CCDC7: variants seen among roughly 807,000 people sequenced by gnomAD.
The protein encoded by CCDC7 is coiled-coil domain containing 7, also known as coiled-coil domain-containing protein 7.
In CCDC7, 183 loss-of-function variants were observed where a neutral mutation model predicts 196.9. That is an observed-to-expected ratio of 0.93 (90% CI 0.82 to 1.05). The LOEUF (loss-of-function observed/expected upper bound fraction) is 1.05, where lower values mean the gene tolerates loss of function less well. CCDC7 is among the 50% of genes least tolerant of loss of function. CCDC7 has a pLI of 0.00. For missense variants in CCDC7, 1,540 were observed against 1,482.2 expected, an observed-to-expected ratio of 1.04 and a Z score of -0.64; for synonymous variants, 525 against 484.6, an observed-to-expected ratio of 1.08 and a Z score of -1.10.
chr10:32,872,924 G>A (rs939692853), intron 41 of CCDC7, among the ~76,000 whole-genome samples: 7 of 152,116 alleles, frequency 4.6e-5, no homozygotes, highest in African/African-American at 9.7e-5. Flanking sequence ...AGTCTGATGG[G>A]CTTCCCTTTG....
chr10:32,594,890 G>A (rs921827715), intron 18 of CCDC7, among the ~76,000 whole-genome samples: 2 of 152,196 alleles, frequency 1.3e-5, no homozygotes, highest in Non-Finnish European at 2.9e-5. Flanking sequence ...TTGCATCCCA[G>A]GGATGAAGCC....
At chr10:32,700,861 G>T (rs929026047) in intron 24 of CCDC7, among the ~76,000 whole-genome samples, 3 of 152,144 alleles carry the variant, frequency 2.0e-5, no homozygotes, top group Non-Finnish European at 4.4e-5. Context: ...CTGTTTGTCT[G>T]TTATTGGTAT....
At chr10:32,795,385 T>C (rs1342910536) in intron 29 of CCDC7, among the ~76,000 whole-genome samples, 2 of 152,166 alleles carry the variant, frequency 1.3e-5, no homozygotes, top group Non-Finnish European at 2.9e-5. Context: ...GTTAAGCAAA[T>C]GTATTTCTCA....
At chr10:32,523,830 A>T (rs770027854) in intron 11 of CCDC7, among the ~76,000 whole-genome samples, 11 of 151,340 alleles carry the variant, frequency 7.3e-5, no homozygotes, top group Non-Finnish European at 1.0e-4. Context: ...GGCATGGAAT[A>T]TCTTTTTCCA....
intron 25 of CCDC7, among the ~76,000 whole-genome samples, chr10:32,714,781 A>G (rs969545757): frequency 1.3e-5 from 2 of 152,074 alleles, no homozygotes; most frequent in African/African-American, 4.8e-5. Context: ...AGCTGCTGGG[A>G]AGTTCGAATT....
intron 26 of CCDC7, 133 bp downstream of exon 27, chr10:32,726,965 A>C (rs1301219383): frequency 1.7e-6 from 1 of 576,076 alleles, no homozygotes; most frequent in Non-Finnish European, 2.9e-6. Flanking sequence ...CTGAAGTCTT[A>C]AGATAAGTAG....
chr10:32,733,619 A>G (rs2084353164), intron 28 of CCDC7, among the ~76,000 whole-genome samples: 1 of 150,712 alleles, frequency 6.6e-6, no homozygotes, highest in African/African-American at 2.5e-5. Context: ...ATTAGATCAA[A>G]TATGTTTATT....
intron 20 of CCDC7, among the ~76,000 whole-genome samples, chr10:32,641,398 C>G (rs1590988561): frequency 1.3e-5 from 2 of 152,122 alleles, no homozygotes; most frequent in African/African-American, 4.8e-5. Flanking sequence ...TCATTTCATT[C>G]ATTTGATATT....
intron 11 of CCDC7, among the ~76,000 whole-genome samples, chr10:32,524,829 G>T (rs2048407488): frequency 6.6e-6 from 1 of 152,004 alleles, no homozygotes; most frequent in Admixed American, 6.6e-5. Flanking sequence ...TTATCTTTGG[G>T]AGTCTGATTG....
intron 29 of CCDC7, among the ~76,000 whole-genome samples, chr10:32,799,776 G>C (rs189716932): frequency 9.3e-4 from 142 of 152,302 alleles, no homozygotes; most frequent in African/African-American, 3.2e-3. Flanking sequence ...TCACTCTCTG[G>C]ATCCAATCAG....
At chr10:32,625,537 C>T (rs2063928741) in intron 18 of CCDC7, among the ~76,000 whole-genome samples, 2 of 151,924 alleles carry the variant, frequency 1.3e-5, no homozygotes, top group South Asian at 2.1e-4. Context: ...ATGTGGAGTA[C>T]TTAAAGCTAA....
At chr10:32,444,541 G>A (rs556733948), upstream of CCDC7, among the ~76,000 whole-genome samples, 1 of 152,262 alleles carries the variant, frequency 6.6e-6, no homozygotes, top group Admixed American at 6.5e-5. Flanking sequence ...GAAATGACTA[G>A]ATGTAATCTA....
chr10:32,502,512 T>C (rs982775064), intron 9 of CCDC7, among the ~76,000 whole-genome samples: 2 of 152,058 alleles, frequency 1.3e-5, no homozygotes, highest in African/African-American at 2.4e-5. Flanking sequence ...TTGGCCATCT[T>C]TTTGGCTGTA....
chr10:32,700,898 T>G (rs558285194), intron 24 of CCDC7, among the ~76,000 whole-genome samples: 12 of 152,338 alleles, frequency 7.9e-5, no homozygotes, highest in Admixed American at 7.2e-4. Context: ...GTTTTGCACA[T>G]TGATTTTGTG....
chr10:32,846,435 A>G (rs753067149), exon 37 of CCDC7: 2 of 1,599,616 alleles, frequency 1.3e-6, no homozygotes, highest in South Asian at 1.1e-5. Context: ...GGGACCAATC[A>G]GTGCACAATT....
At chr10:32,770,951 C>T (rs2079072605) in intron 28 of CCDC7, among the ~76,000 whole-genome samples, 1 of 151,952 alleles carries the variant, frequency 6.6e-6, no homozygotes, top group Non-Finnish European at 1.5e-5. Context: ...CTTTTTAATT[C>T]CCTTTTCCTT....
At chr10:32,637,713 G>T (rs1401868991) in intron 20 of CCDC7, among the ~76,000 whole-genome samples, 3 of 152,114 alleles carry the variant, frequency 2.0e-5, no homozygotes, top group African/African-American at 7.2e-5. Flanking sequence ...GGTGATGTGG[G>T]CTCTTTTTTG....
At chr10:32,784,481 G>A (rs1356660538) in intron 29 of CCDC7, among the ~76,000 whole-genome samples, 3 of 152,150 alleles carry the variant, frequency 2.0e-5, no homozygotes, top group Non-Finnish European at 4.4e-5. Context: ...TGCGGTGTTT[G>A]GTTTTCTGTT....
At chr10:32,877,094 GA>G (rs1257306519), downstream of CCDC7, 1 of 151,898 alleles carries the variant, frequency 6.6e-6, no homozygotes, top group African/African-American at 2.4e-5. Context: ...AAATAATAAA[GA>G]AAATTGGATT....
Sources: gnomAD v4.1 joint callset for allele counts (sites outside exome capture counted in the v4.1 genomes callset) on GRCh38, gnomAD v4.1.1 for gene constraint, MANE v1.5 for transcripts, NCBI Gene and HGNC (gene_info 2026-07-23, HGNC 2026-07-21) for gene names.